Variants in MICU3 observed in about 807,000 individuals in gnomAD.
The protein encoded by MICU3 is calcium uptake protein 3, mitochondrial.
A neutral mutation model predicts 66.5 loss-of-function variants in MICU3; 62 were observed. The ratio of observed to expected loss-of-function variants is 0.93; its 90% CI spans 0.76 to 1.15. The LOEUF is 1.15. Ranked by LOEUF, MICU3 falls within the 50% of genes most tolerant of loss-of-function variation. The pLI is 0.00. For synonymous variants in MICU3, 308 were observed against 240.7 expected (o/e 1.28, Z -2.59); for missense variants, 779 against 664.4 (o/e 1.17, Z -1.90).
intron 1 of MICU3, among the ~76,000 whole-genome samples, chr8:17,044,757 A>G (rs1182622707): frequency 6.6e-6 from 1 of 152,198 alleles, no homozygotes; most frequent in Non-Finnish European, 1.5e-5. Flanking sequence ...CAGAGATTAT[A>G]GTGATTAAGG....
At chr8:17,114,033 A>T in intron 11 of MICU3, 60 bp from the exon 12 acceptor site, 3 of 1,094,422 alleles carry the variant, frequency 2.7e-6, no homozygotes, top group Non-Finnish European at 4.1e-6. Flanking sequence ...TTATGTGTAG[A>T]TCCTGATTTT....
chr8:17,035,411 T>C (rs1168660411), intron 1 of MICU3, among the ~76,000 whole-genome samples: 1 of 152,218 alleles, frequency 6.6e-6, no homozygotes, highest in African/African-American at 2.4e-5. Flanking sequence ...AGTTTGGAAC[T>C]TCCTACAGAC....
Position 17,040,623 on chromosome 8 carries a change from T to C in MICU3, c.381+12963T>C, listed in dbSNP as rs142176343. ...AAATGCAGAGATTATATATTTTTAT[T>C]TTCTCCCCCATAAACATATGAAAAA... On this transcript the variant is annotated intron_variant, in intron 1 of 14. Transcript: ENST00000318063. Among the ~76,000 whole-genome samples the C allele has an allele frequency of 8.4e-3, 1,281 of 152,336 alleles. 14 individuals are homozygous for C. The highest frequency in any genetic ancestry group is 0.029 in the African/African-American group (1,208 of 41,564).
chr8:17,031,477 C>G (rs1207464335), intron 1 of MICU3, among the ~76,000 whole-genome samples: 3 of 151,476 alleles, frequency 2.0e-5, no homozygotes, highest in Non-Finnish European at 4.4e-5. Flanking sequence ...TTAGTAGAGA[C>G]AGGGTTTCAC....
At chr8:17,042,824 C>T (rs557334533) in intron 1 of MICU3, among the ~76,000 whole-genome samples, 1 of 151,302 alleles carries the variant, frequency 6.6e-6, no homozygotes, top group South Asian at 2.1e-4. Context: ...AGGATGATAT[C>T]TATCCAGTTG....
Position 17,095,904 on chromosome 8 carries a change from G to A in MICU3, c.889-2554G>A, listed in dbSNP as rs762048617. Among the ~76,000 whole-genome samples, 11 of 152,046 alleles carry A rather than the reference G, an allele frequency of 7.2e-5. No individual in the cohort carries two copies. The South Asian group carries it at 2.1e-3, about 29-fold the overall frequency. On this transcript the variant is annotated intron_variant, in intron 8 of 14. Transcript: ENST00000318063. Reference sequence around the variant, plus strand: ...GCGCTTTTGACCAAAATTACAAAGTGTAAGAAAGTTCTATCAATAACAGAC... The same window carrying A: ...GCGCTTTTGACCAAAATTACAAAGTATAAGAAAGTTCTATCAATAACAGAC...
At chr8:17,059,328 A>G (rs901338387) in intron 1 of MICU3, among the ~76,000 whole-genome samples, 1 of 152,216 alleles carries the variant, frequency 6.6e-6, no homozygotes, top group African/African-American at 2.4e-5. Context: ...TTTTCAGAGA[A>G]CAAAGTAGAC....
At chr8:17,087,484 A>T (rs541674739) in intron 7 of MICU3, among the ~76,000 whole-genome samples, 3 of 152,094 alleles carry the variant, frequency 2.0e-5, no homozygotes, top group East Asian at 3.9e-4. Context: ...TTCTTCTGGG[A>T]TATATAATAT....
Position 17,105,567 on chromosome 8 carries a change from A to G in MICU3, c.1240A>G (p.Ser414Gly), listed in dbSNP as rs567535872. Reference sequence around the variant, plus strand: ...AGTATTTTTAGAAAATGTGCGTTACAGTATACCTGAAGAAAAGGTATCTAA... The same window carrying G: ...AGTATTTTTAGAAAATGTGCGTTACGGTATACCTGAAGAAAAGGTATCTAA... The part of the protein sequence containing the change: ...TSVFLENVRY[S>G]IPEEKGITFD... Residue 414 changes from serine (S) to glycine (G), a missense_variant, in exon 11 of 15, where the codon AGT becomes GGT. Coordinates refer to ENST00000318063, the MANE Select transcript of MICU3 (RefSeq NM_181723.3). 5 of 1,536,152 alleles carry G rather than the reference A, an allele frequency of 3.3e-6. No homozygotes were observed. In the South Asian group the frequency reaches 3.7e-5, roughly 11 times the overall value.
At chr8:17,097,373 A>T (rs1317195676) in intron 8 of MICU3, among the ~76,000 whole-genome samples, 1 of 151,712 alleles carries the variant, frequency 6.6e-6, no homozygotes, top group Non-Finnish European at 1.5e-5. Flanking sequence ...AATTTGCTAC[A>T]TTTATAGTTA....
chr8:17,071,896 A>C (rs1053344052), intron 3 of MICU3, among the ~76,000 whole-genome samples: 2 of 152,176 alleles, frequency 1.3e-5, no homozygotes, highest in African/African-American at 4.8e-5. Context: ...TATGTTTTTA[A>C]AAATACAAGT....
chr8:17,104,372 A>G lies in MICU3; in HGVS notation c.985-19A>G. On this transcript the variant is annotated intron_variant, in intron 9 of 14. Transcript: ENST00000318063. ...TTCTTTTATTGAAGCTAACTTTTAA[A>G]TTGTGATTTTTTTTTAAGCGTGCTG... The G allele has an allele frequency of 7.8e-7, 1 of 1,288,462 alleles. No homozygotes were observed. Among genetic ancestry groups the G allele is most frequent in the Non-Finnish European group, 1.0e-6 (1 of 971,000 alleles). 79.8% of individuals were successfully genotyped at this position (1,288,462 alleles called of 1,614,324 possible).
At chr8:17,137,953 G>C in the MICU3 span, among the ~76,000 whole-genome samples, 6 of 151,940 alleles carry the variant, frequency 3.9e-5, no homozygotes, top group South Asian at 1.2e-3. Context: ...TTGACTTTGT[G>C]ATCCGCCTGC....
chr8:17,037,274 C>T (rs553161084), intron 1 of MICU3, among the ~76,000 whole-genome samples: 13 of 152,320 alleles, frequency 8.5e-5, no homozygotes, highest in African/African-American at 2.9e-4. Flanking sequence ...CACAGTGCAG[C>T]GGCGGGCCGA....
intron 11 of MICU3, among the ~76,000 whole-genome samples, chr8:17,107,054 T>G (rs1402196385): frequency 6.6e-6 from 1 of 152,166 alleles, no homozygotes; most frequent in Non-Finnish European, 1.5e-5. Flanking sequence ...CTAGCAGATA[T>G]TTATTGAGCA....
chr8:17,096,631 T>A (rs1456111491), intron 8 of MICU3, among the ~76,000 whole-genome samples: 4 of 151,856 alleles, frequency 2.6e-5, no homozygotes. Flanking sequence ...AAAACAAATA[T>A]ATCCAGTTAC....
At chr8:17,128,605 T>A in the MICU3 span, among the ~76,000 whole-genome samples, 2 of 152,202 alleles carry the variant, frequency 1.3e-5, no homozygotes, top group Non-Finnish European at 2.9e-5. Context: ...ATTAGACTTA[T>A]CCTTCTACCA....
At chr8:17,087,102 A>G in intron 7 of MICU3, 67 bp downstream of exon 7, 2 of 1,042,582 alleles carry the variant, frequency 1.9e-6, no homozygotes, top group Non-Finnish European at 2.9e-6. Flanking sequence ...CATGTTAAGA[A>G]ACAATAATTA....
Position 17,111,423 on chromosome 8 carries a change from G to A in MICU3, c.1258-2670G>A, listed in dbSNP as rs138622680. Reference sequence around the variant, plus strand: ...TGCGACCTCAAACTCCTGGGCTCAAGTGATCCTCCTGCCTCAGCTTCTCAA... The same window carrying A: ...TGCGACCTCAAACTCCTGGGCTCAAATGATCCTCCTGCCTCAGCTTCTCAA... On this transcript the variant is annotated intron_variant, in intron 11 of 14. Coordinates refer to ENST00000318063, the MANE Select transcript of MICU3 (RefSeq NM_181723.3). Among the ~76,000 whole-genome samples, 6 of 152,272 alleles carry A rather than the reference G, an allele frequency of 3.9e-5. No individual in the cohort carries two copies. The South Asian group carries it at 1.2e-3, about 32-fold the overall frequency.
Sources: gnomAD v4.1 joint callset for allele counts (sites outside exome capture counted in the v4.1 genomes callset) on GRCh38, gnomAD v4.1.1 for gene constraint, MANE v1.5 for transcripts, NCBI Gene and HGNC (gene_info 2026-07-23, HGNC 2026-07-21) for gene names.